The following EXO1 variants were observed in gnomAD, a reference collection of about 807,000 sequenced individuals.
EXO1 encodes the protein exonuclease 1.
Under a neutral mutation model 84.5 loss-of-function variants are expected in EXO1, and 69 were observed. The ratio of observed to expected loss-of-function variants is 0.82; its 90% confidence interval spans 0.67 to 1.00. The LOEUF (loss-of-function observed/expected upper bound fraction) is 1.00. Ranked by LOEUF, EXO1 falls within the 50% of genes least tolerant of loss-of-function variation. The probability of loss-of-function intolerance (pLI) is 0.00; values close to 1 mark genes in which losing one functional copy is unlikely to be tolerated. For missense variants in EXO1, 1,045 were observed against 1,000.7 expected (o/e 1.04, Z -0.60); for synonymous variants, 373 against 366.1 (o/e 1.02, Z -0.21).
intron 6 of EXO1, among the ~76,000 whole-genome samples, chr1:241,855,572 G>T (rs569858773): frequency 5.3e-5 from 8 of 152,242 alleles, no homozygotes; most frequent in African/African-American, 1.9e-4. Flanking sequence ...GTCCTGCGCC[G>T]TCTGCCCGCA....
intron 6 of EXO1, among the ~76,000 whole-genome samples, chr1:241,854,095 C>A (rs1660817914): frequency 6.6e-6 from 1 of 152,136 alleles, no homozygotes; most frequent in South Asian, 2.1e-4. Context: ...CCCTCACTTT[C>A]CCCTTTTTAG....
At chr1:241,873,638 A>G (rs992032921) in intron 12 of EXO1, among the ~76,000 whole-genome samples, 3 of 152,236 alleles carry the variant, frequency 2.0e-5, no homozygotes, top group Non-Finnish European at 2.9e-5. Flanking sequence ...TAGTTCAAAA[A>G]TGAGAAAGAC....
In EXO1 at chr1:241,857,422, G is replaced by C. The variant is rs751898352; in HGVS notation, c.483G>C (p.Ala161=). 6.2e-6 allele frequency: 10 copies of C among 1,613,904 alleles called. No individual in the cohort carries two copies. The East Asian group carries it at 1.8e-4, about 29-fold the overall frequency. ...CGCAGTTGGCCTATCTTAACAAAGC[G>C]GGAATTGTGCAAGCCATAATTACAG... The part of the protein sequence containing the change: ...ADAQLAYLNK[A]GIVQAIITED... Residue 161 remains alanine, a synonymous_variant, in exon 7 of 16, where the codon GCG becomes GCC. Transcript: ENST00000366548.
intron 14 of EXO1, among the ~76,000 whole-genome samples, chr1:241,882,623 C>T (rs1340041179): frequency 6.6e-6 from 1 of 151,976 alleles, no homozygotes; most frequent in African/African-American, 2.4e-5. Flanking sequence ...ATAAAAACAC[C>T]ATTTCCTAAC....
At position 241,889,682 on chromosome 1, in the gene EXO1, C is replaced by A; in HGVS notation, c.*82C>A. ...TGTTTGGGAATGAGGCACTTATCAGCATGAAGAATTTTTTCTCATTCTGTG... is the reference window on the plus strand; with the variant it reads ...TGTTTGGGAATGAGGCACTTATCAGAATGAAGAATTTTTTCTCATTCTGTG... On this transcript the variant is annotated 3_prime_UTR_variant, in exon 16 of 16. Transcript: ENST00000366548. 1 of 1,356,868 alleles carries A rather than the reference C, an allele frequency of 7.4e-7. No individual in the cohort carries two copies. The highest frequency in any genetic ancestry group is 1.1e-6 in the Non-Finnish European group (1 of 947,916). 84.1% of individuals were successfully genotyped at this position (1,356,868 alleles called of 1,614,324 possible). A position where few individuals can be genotyped will look rare whatever the true frequency, so the allele number is the denominator to read the frequency against.
intron 5 of EXO1, 23 bp downstream of exon 5, chr1:241,852,434 C>T: frequency 1.9e-6 from 3 of 1,589,874 alleles, no homozygotes; most frequent in Non-Finnish European, 2.6e-6. Flanking sequence ...TCTACTTAAT[C>T]TCTAACTTCA....
At chr1:241,881,607 CGCA>C (rs1289374062) in intron 13 of EXO1, among the ~76,000 whole-genome samples, 1 of 152,186 alleles carries the variant, frequency 6.6e-6, no homozygotes, top group Non-Finnish European at 1.5e-5. Flanking sequence ...ACGTGCGTAA[CGCA>C]GCGTTTTTAC....
chr1:241,850,750 G>C (rs1299067421), intron 4 of EXO1, among the ~76,000 whole-genome samples, 164 bp downstream of exon 4: 2 of 151,106 alleles, frequency 1.3e-5, no homozygotes, highest in African/African-American at 2.4e-5. Context: ...ACTTCCTTCT[G>C]TGATAATAGG....
chr1:241,849,523 C>T (rs1037178357), intron 3 of EXO1, among the ~76,000 whole-genome samples: 1 of 152,230 alleles, frequency 6.6e-6, no homozygotes, highest in African/African-American at 2.4e-5. Flanking sequence ...TTCAGAGAGG[C>T]TGATGGAGTT....
intron 14 of EXO1, among the ~76,000 whole-genome samples, chr1:241,884,962 C>T (rs1230049230): frequency 6.6e-6 from 1 of 152,094 alleles, no homozygotes; most frequent in Non-Finnish European, 1.5e-5. Context: ...AATCCCAGCG[C>T]TTTGGGAGGC....
At position 241,849,198 on chromosome 1, in the gene EXO1, C is replaced by G. The variant is rs1484544642; in HGVS notation, c.-36C>G. On this transcript the variant is annotated 5_prime_UTR_variant, in exon 3 of 16. Transcript: ENST00000366548. ...CTGCTGGACCAGAGCCTTTAGAGCTCTGATAAGGTGTCAACAGGGTAAAGC... is the reference window on the plus strand; with the variant it reads ...CTGCTGGACCAGAGCCTTTAGAGCTGTGATAAGGTGTCAACAGGGTAAAGC... The G allele has an allele frequency of 6.6e-6, 1 of 152,254 alleles. No individual in the cohort carries two copies. Among genetic ancestry groups the G allele is most frequent in the Admixed American group, 6.5e-5 (1 of 15,284 alleles). 9.4% of individuals were successfully genotyped at this position (152,254 alleles called of 1,614,324 possible).
intron 10 of EXO1, among the ~76,000 whole-genome samples, chr1:241,863,418 A>C (rs952519757): frequency 1.8e-5 from 2 of 108,796 alleles, no homozygotes; most frequent in African/African-American, 7.6e-5. Context: ...TAAAAAAAAA[A>C]AAAACAAAAA....
At chr1:241,872,407 A>AGTT in intron 12 of EXO1, 129 bp downstream of exon 12, 1 of 1,039,702 alleles carries the variant, frequency 9.6e-7, no homozygotes, top group Non-Finnish European at 1.5e-6. Flanking sequence ...CAGAACGTGC[A>AGTT]GTTTTGTTAC....
rs750940919 is a variant in EXO1 at position 241,872,200 on chromosome 1, C to T, written c.1436C>T (p.Thr479Met). The T allele has an allele frequency of 2.0e-5, 32 of 1,613,414 alleles. No individual in the cohort carries two copies. Among genetic ancestry groups the T allele is most frequent in the African/African-American group, 1.9e-4 (14 of 74,736 alleles). ...NKKSVSTPPR[T>M]RNKFATFLQR... ...AAGAGTGTAAGCACTCCACCTAGGA[C>T]GAGAAATAAATTTGCAACATTTTTA... The change falls in exon 12 of 16, where the codon ACG becomes ATG. Residue 479 changes from threonine to methionine, a missense_variant. Physicochemically the swap from Thr to Met is moderately conservative, Grantham distance 81. Coordinates refer to ENST00000366548, the MANE Select transcript of EXO1 (RefSeq NM_130398.4).
intron 13 of EXO1, among the ~76,000 whole-genome samples, chr1:241,880,411 C>T (rs548310845): frequency 6.6e-6 from 1 of 152,256 alleles, no homozygotes; most frequent in South Asian, 2.1e-4. Context: ...ACTTTGGAAG[C>T]GTTTAGCCAT....
intron 10 of EXO1, among the ~76,000 whole-genome samples, chr1:241,865,057 G>A (rs950387619): frequency 6.8e-6 from 1 of 147,594 alleles, no homozygotes; most frequent in South Asian, 2.2e-4. Context: ...GTGTGTGGGG[G>A]GGGGGTCTCA....
At chr1:241,858,846 A>C (rs1661212967) in intron 8 of EXO1, 128 bp downstream of exon 8, 3 of 743,710 alleles carry the variant, frequency 4.0e-6, no homozygotes, top group Admixed American at 4.4e-5. Flanking sequence ...AAAGGAGCAA[A>C]TGACTGAGGC....
At chr1:241,858,855 G>A in intron 8 of EXO1, 137 bp downstream of exon 8, 1 of 714,014 alleles carries the variant, frequency 1.4e-6, no homozygotes, top group South Asian at 1.8e-5. Context: ...AATGACTGAG[G>A]CACTAGAACT....
Position 241,848,740 on chromosome 1 carries a change from A to G in EXO1, c.-410A>G, listed in dbSNP as rs186184994. ...CCATAATATTTTGCAGGCCTAAGGA[A>G]ACGTGTCGTCTGGAATGGGCTTGGG... is the stretch of plus-strand genomic sequence containing the variant. On this transcript the variant is annotated 5_prime_UTR_variant, in exon 2 of 16. Transcript: ENST00000366548. The surrounding 1 kb of genome is among the most constrained non-coding windows in gnomAD (Gnocchi z 4.2). 6.6e-6 allele frequency: 1 copy of G among 152,284 alleles called. No homozygotes were observed. The highest frequency in any genetic ancestry group is 1.5e-5 in the Non-Finnish European group (1 of 68,038). The allele number at this position is 152,284 out of a possible 1,614,324, so 9.4% of individuals were successfully genotyped here.
Sources: gnomAD v4.1 joint callset for allele counts (sites outside exome capture counted in the v4.1 genomes callset) on GRCh38, gnomAD v4.1.1 for gene constraint, Gnocchi (gnomAD v3.1) non-coding constraint, MANE v1.5 for transcripts, NCBI Gene and HGNC (gene_info 2026-07-23, HGNC 2026-07-21) for gene names.